Variants in SNX8 observed in about 807,000 individuals in gnomAD.
SNX8 encodes the protein sorting nexin-8.
Under a neutral mutation model 51.6 loss-of-function variants are expected in SNX8, and 25 were observed. That is an observed-to-expected ratio of 0.48 (90% CI 0.35 to 0.68). SNX8 has a LOEUF of 0.68. Ranked by LOEUF, SNX8 falls within the 30% of genes least tolerant of loss-of-function variation. SNX8 has a pLI of 0.00. For missense variants in SNX8, 695 were observed against 624.0 expected (o/e 1.11, Z -1.21); for synonymous variants, 324 against 277.0 (o/e 1.17, Z -1.68).
chr7:2,259,363 C>A (rs73043226), intron 7 of SNX8, among the ~76,000 whole-genome samples: 3,896 of 152,340 alleles, frequency 0.026, 78 homozygotes, highest in Middle Eastern at 0.051. Context: ...TCACTGAGCA[C>A]CTCGGGGAGA....
At chr7:2,327,401 G>A (rs1207519462) in intron 1 of SNX8, among the ~76,000 whole-genome samples, 1 of 147,244 alleles carries the variant, frequency 6.8e-6, no homozygotes, top group Non-Finnish European at 1.5e-5. Context: ...CACCATGCCT[G>A]GCTAATTTTT....
chr7:2,257,173 G>A, intron 9 of SNX8, 150 bp from the exon 10 acceptor site: 4 of 1,179,482 alleles, frequency 3.4e-6, no homozygotes, highest in South Asian at 3.1e-5. Context: ...AGAGAGGGCC[G>A]GGGAGGGAGC....
intron 1 of SNX8, among the ~76,000 whole-genome samples, chr7:2,293,243 G>A (rs1417745922): frequency 6.8e-6 from 1 of 148,000 alleles, no homozygotes; most frequent in African/African-American, 2.5e-5. Context: ...GCCTCCCAAA[G>A]TGCTGGAATT....
intron 1 of SNX8, among the ~76,000 whole-genome samples, chr7:2,351,656 C>CT (rs1779142637): frequency 6.6e-6 from 1 of 150,424 alleles, no homozygotes; most frequent in African/African-American, 2.4e-5. Flanking sequence ...CAGGATGAAA[C>CT]CCGTCTCTAC....
chr7:2,318,280 G>C (rs1796785205), upstream of SNX8, among the ~76,000 whole-genome samples: 1 of 152,172 alleles, frequency 6.6e-6, no homozygotes, highest in East Asian at 1.9e-4. Context: ...GCCAGGCACA[G>C]TTGCTCACAC....
At position 2,279,544 on chromosome 7, in the gene SNX8, G is replaced by A. The variant is rs115858955; in HGVS notation, c.95-1239C>T. Among the ~76,000 whole-genome samples the A allele has an allele frequency of 4.8e-3, 728 of 152,232 alleles. 10 individuals carry two copies. Among genetic ancestry groups the A allele is most frequent in the African/African-American group, 0.016 (675 of 41,534 alleles). On this transcript the variant is annotated intron_variant, in intron 1 of 10. Transcript: ENST00000222990. ...AGGCAAGAGGATCGCTTGAGCTCAGGAGTTCAAGACCACCCTGGGCAAGAT... is the reference window on the plus strand; with the variant it reads ...AGGCAAGAGGATCGCTTGAGCTCAGAAGTTCAAGACCACCCTGGGCAAGAT...
chr7:2,295,478 G>T (rs1205652709), intron 1 of SNX8, among the ~76,000 whole-genome samples: 1 of 151,272 alleles, frequency 6.6e-6, no homozygotes, highest in Non-Finnish European at 1.5e-5. Flanking sequence ...GCCAAGGCAG[G>T]TGGATCACCT....
At chr7:2,283,721 G>A (rs1255230544) in intron 1 of SNX8, among the ~76,000 whole-genome samples, 1 of 152,198 alleles carries the variant, frequency 6.6e-6, no homozygotes, top group East Asian at 1.9e-4. Context: ...CACCTGGTGG[G>A]CTCCTTCAAA....
At chr7:2,283,926 G>C (rs1429457134) in intron 1 of SNX8, among the ~76,000 whole-genome samples, 5 of 152,142 alleles carry the variant, frequency 3.3e-5, no homozygotes. Context: ...CTCCCGAGTA[G>C]CTGGGATTAC....
chr7:2,259,609 G>T (rs1584666839), intron 7 of SNX8, among the ~76,000 whole-genome samples: 3 of 152,090 alleles, frequency 2.0e-5, no homozygotes, highest in Admixed American at 1.3e-4. Context: ...GAACCCGGAG[G>T]CTCCCCGGCC....
chr7:2,276,371 G>A (rs1795780807), intron 2 of SNX8, among the ~76,000 whole-genome samples: 1 of 152,240 alleles, frequency 6.6e-6, no homozygotes, highest in Non-Finnish European at 1.5e-5. Flanking sequence ...CTCTGACACG[G>A]TCCTCCAAGG....
chr7:2,320,751 T>C (rs1796818432), intron 1 of SNX8, among the ~76,000 whole-genome samples: 1 of 150,818 alleles, frequency 6.6e-6, no homozygotes. Context: ...CCAGGCGCGG[T>C]GGCTCACGCC....
At chr7:2,266,248 G>A (rs1029327922) in intron 5 of SNX8, among the ~76,000 whole-genome samples, 1 of 151,976 alleles carries the variant, frequency 6.6e-6, no homozygotes, top group African/African-American at 2.4e-5. Flanking sequence ...GCAATGGCAC[G>A]ACCTGGGCTC....
intron 1 of SNX8, among the ~76,000 whole-genome samples, chr7:2,348,441 C>T (rs182990784): frequency 1.3e-5 from 2 of 150,974 alleles, no homozygotes; most frequent in Admixed American, 1.3e-4. Context: ...TCCGGGTTCA[C>T]GCCATTCTCC....
Position 2,267,644 on chromosome 7 carries a change from C to T in SNX8, c.621+1915G>A, listed in dbSNP as rs539953181. ...TGGTGCCCAGGCTGGAGTGCAGTGA[C>T]GTGATCTCGGCTCACTACAACCTAC... is the stretch of plus-strand genomic sequence containing the variant. On this transcript the variant is annotated intron_variant, in intron 5 of 10. Coordinates refer to ENST00000222990, the MANE Select transcript of SNX8 (RefSeq NM_013321.4). 6.2e-3 allele frequency among the ~76,000 whole-genome samples: 924 copies of T among 148,660 alleles called. 13 individuals are homozygous for T. The highest frequency in any genetic ancestry group is 0.022 in the African/African-American group (873 of 40,394).
intron 4 of SNX8, among the ~76,000 whole-genome samples, chr7:2,270,571 G>A (rs1336962366): frequency 1.3e-5 from 2 of 152,064 alleles, no homozygotes; most frequent in African/African-American, 4.8e-5. Flanking sequence ...TTGCCCACCT[G>A]TGACCCACTG....
At chr7:2,279,375 C>T (rs1034954044) in intron 1 of SNX8, among the ~76,000 whole-genome samples, 93 of 151,862 alleles carry the variant, frequency 6.1e-4, no homozygotes, top group Non-Finnish European at 4.4e-5. Flanking sequence ...ACTCACACTA[C>T]ACCCACTCAT....
At position 2,323,260 on chromosome 7, in the gene SNX8, G is replaced by A. The variant is rs186271235; in HGVS notation, c.-66+30962C>T. On this transcript the variant is annotated intron_variant, in intron 1 of 5. Coordinates refer to the SNX8 transcript ENST00000435336. ...CATGAAAATCGCTTGAACTTTGGGG[G>A]TGGAGGTTGCAGTGAGCTGAGATTG... is the stretch of plus-strand genomic sequence containing the variant. 2.0e-5 allele frequency among the ~76,000 whole-genome samples: 3 copies of A among 150,092 alleles called. 1 individual carries two copies. Among genetic ancestry groups the A allele is most frequent in the Non-Finnish European group, 4.4e-5 (3 of 67,560 alleles).
At chr7:2,311,913 G>T in intron 1 of SNX8, among the ~76,000 whole-genome samples, 1 of 151,802 alleles carries the variant, frequency 6.6e-6, no homozygotes, top group African/African-American at 2.4e-5. Flanking sequence ...CTCCAGCCTG[G>T]GCGACAGAGC....
Sources: allele counts gnomAD v4.1 joint callset (sites outside exome capture counted in the v4.1 genomes callset), GRCh38; gene constraint gnomAD v4.1.1; transcripts MANE v1.5; gene names NCBI Gene and HGNC (gene_info 2026-07-23, HGNC 2026-07-21).